Variants in SYNPR observed in about 807,000 individuals in gnomAD.
SYNPR encodes synaptoporin.
In SYNPR, 23 loss-of-function variants were observed where a neutral mutation model predicts 32.9. The observed-to-expected ratio is 0.70, with a 90% CI of 0.50 to 0.99. The LOEUF is 0.99. Among genes scored for constraint, SYNPR ranks in the 50% least tolerant of loss-of-function variants. The pLI is 0.00. For synonymous variants in SYNPR, 146 were observed against 135.9 expected, an observed-to-expected ratio of 1.07 and a Z score of -0.52; for missense variants, 318 against 349.3, an observed-to-expected ratio of 0.91 and a Z score of 0.71.
chr3:63,550,182 A>G (rs1203835222), intron 3 of SYNPR: 1 of 151,768 alleles, frequency 6.6e-6, no homozygotes, highest in Admixed American at 6.6e-5. Flanking sequence ...TACAAAATAT[A>G]TGAATTTATA....
At chr3:63,528,031 C>G (rs796368698) in intron 3 of SYNPR, among the ~76,000 whole-genome samples, 2 of 152,108 alleles carry the variant, frequency 1.3e-5, no homozygotes, top group Non-Finnish European at 2.9e-5. Context: ...TCCTGCTGGT[C>G]TCTCACCTCC....
chr3:63,489,037 G>C (rs1701207911), intron 3 of SYNPR, among the ~76,000 whole-genome samples: 1 of 152,094 alleles, frequency 6.6e-6, no homozygotes, highest in Non-Finnish European at 1.5e-5. Context: ...ATTTTAGTTT[G>C]AGTTTCTGCA....
chr3:63,459,675 G>A (rs1477415004), intron 2 of SYNPR, among the ~76,000 whole-genome samples: 1 of 152,002 alleles, frequency 6.6e-6, no homozygotes, highest in Non-Finnish European at 1.5e-5. Flanking sequence ...TTGTGAAGAT[G>A]ATTTTTCCTA....
chr3:63,390,062 C>G (rs962945314), intron 2 of SYNPR, among the ~76,000 whole-genome samples: 1 of 152,152 alleles, frequency 6.6e-6, no homozygotes, highest in African/African-American at 2.4e-5. Context: ...ATGACTTCCA[C>G]CTTTTCACAG....
chr3:63,529,204 C>A (rs1314285526), intron 3 of SYNPR, among the ~76,000 whole-genome samples: 1 of 152,210 alleles, frequency 6.6e-6, no homozygotes, highest in Non-Finnish European at 1.5e-5. Context: ...GCTCAAGTCC[C>A]TAGCATAAAA....
intron 3 of SYNPR, among the ~76,000 whole-genome samples, chr3:63,517,272 A>G (rs1433603976): frequency 6.6e-6 from 1 of 152,150 alleles, no homozygotes; most frequent in Non-Finnish European, 1.5e-5. Context: ...CCTTCTCTGT[A>G]TAATGGGGAG....
At chr3:63,345,605 G>A (rs1219787883) in intron 2 of SYNPR, among the ~76,000 whole-genome samples, 1 of 152,026 alleles carries the variant, frequency 6.6e-6, no homozygotes, top group East Asian at 1.9e-4. Flanking sequence ...TCTCCCTCTC[G>A]CCTAGCCTCT....
At chr3:63,386,749 C>G (rs539932885) in intron 2 of SYNPR, among the ~76,000 whole-genome samples, 9 of 152,112 alleles carry the variant, frequency 5.9e-5, no homozygotes, top group Non-Finnish European at 1.2e-4. Context: ...GCCTCCAGCC[C>G]GGGTCAGCCT....
intron 3 of SYNPR, among the ~76,000 whole-genome samples, chr3:63,518,665 T>C (rs1701845022): frequency 6.6e-6 from 1 of 152,162 alleles, no homozygotes. Context: ...AGAGAACACA[T>C]ACTGACTGCT....
chr3:63,414,981 A>C (rs1284966761), intron 2 of SYNPR, among the ~76,000 whole-genome samples: 1 of 152,222 alleles, frequency 6.6e-6, no homozygotes, highest in African/African-American at 2.4e-5. Flanking sequence ...CTGGCTCACC[A>C]GAGCCCACTG....
At chr3:63,515,741 G>T (rs999408173) in intron 3 of SYNPR, among the ~76,000 whole-genome samples, 1 of 152,068 alleles carries the variant, frequency 6.6e-6, no homozygotes, top group Non-Finnish European at 1.5e-5. Flanking sequence ...GGATAATTCA[G>T]AAGGCACCTG....
chr3:63,317,021 T>A (rs1575596265), intron 2 of SYNPR, among the ~76,000 whole-genome samples: 1 of 152,032 alleles, frequency 6.6e-6, no homozygotes, highest in East Asian at 1.9e-4. Flanking sequence ...GTTATTTAAT[T>A]TTCATGTATT....
At chr3:63,341,786 C>T (rs1247801517) in intron 2 of SYNPR, among the ~76,000 whole-genome samples, 7 of 152,178 alleles carry the variant, frequency 4.6e-5, no homozygotes, top group Admixed American at 3.9e-4. Context: ...TCTCCCACTT[C>T]ATGGCTTGTA....
chr3:63,550,136 C>T (rs1020557112), intron 3 of SYNPR: 1 of 151,872 alleles, frequency 6.6e-6, no homozygotes, highest in African/African-American at 2.4e-5. Flanking sequence ...ATTACAGCTA[C>T]AAAACACATG....
intron 2 of SYNPR, among the ~76,000 whole-genome samples, chr3:63,418,690 G>T (rs966003109): frequency 2.6e-5 from 4 of 152,152 alleles, no homozygotes; most frequent in Admixed American, 6.5e-5. Context: ...AGAGAGTTTT[G>T]CAGGCAAGCT....
chr3:63,553,831 C>T (rs1257753010), intron 3 of SYNPR, among the ~76,000 whole-genome samples: 1 of 152,186 alleles, frequency 6.6e-6, no homozygotes, highest in Non-Finnish European at 1.5e-5. Flanking sequence ...AAGTGATTCT[C>T]CTGCCTCAGC....
At chr3:63,346,034 C>G (rs932870692) in intron 2 of SYNPR, among the ~76,000 whole-genome samples, 6 of 152,154 alleles carry the variant, frequency 3.9e-5, no homozygotes, top group Non-Finnish European at 8.8e-5. Flanking sequence ...TGGCTGATCT[C>G]AAACTCCTGA....
At chr3:63,256,728 T>C (rs1295465081) in intron 2 of SYNPR, among the ~76,000 whole-genome samples, 4 of 152,114 alleles carry the variant, frequency 2.6e-5, no homozygotes, top group African/African-American at 9.7e-5. Flanking sequence ...AGAATGACTT[T>C]GACGAGTTGA....
rs557203496 is a variant in SYNPR at position 63,329,324 on chromosome 3, G to T, written c.84+50582G>T. Among the ~76,000 whole-genome samples, 5 of 152,076 alleles carry T rather than the reference G, an allele frequency of 3.3e-5. No individual in the cohort carries two copies. The South Asian group carries it at 1.0e-3, about 32-fold the overall frequency. Reference sequence around the variant, plus strand: ...GCTACTCTTCTTAGCCCTATTTTACGGGTGGGAAAACTGAGACACAGAGAG... The same window carrying T: ...GCTACTCTTCTTAGCCCTATTTTACTGGTGGGAAAACTGAGACACAGAGAG... On this transcript the variant is annotated intron_variant, in intron 2 of 5. Transcript: ENST00000478300.
Sources: allele counts gnomAD v4.1 joint callset (sites outside exome capture counted in the v4.1 genomes callset), GRCh38; gene constraint gnomAD v4.1.1; transcripts MANE v1.5; gene names NCBI Gene and HGNC (gene_info 2026-07-23, HGNC 2026-07-21).